Variants in RHOBTB1 observed in about 807,000 individuals in gnomAD.
RHOBTB1 encodes the protein Rho related BTB domain containing 1.
In RHOBTB1, 40 loss-of-function variants were observed where a neutral mutation model predicts 71.6. The observed-to-expected ratio is 0.56, with a 90% CI of 0.43 to 0.73. The LOEUF (loss-of-function observed/expected upper bound fraction) is 0.73, where lower values mean the gene tolerates loss of function less well. RHOBTB1 is among the 30% of genes least tolerant of loss of function. The pLI, the probability that RHOBTB1 is intolerant of heterozygous loss-of-function variation, is 0.00. For synonymous variants in RHOBTB1, 319 were observed against 334.9 expected (o/e 0.95, Z 0.52); for missense variants, 797 against 894.0 (o/e 0.89, Z 1.38).
chr10:60,962,381 CAT>C (rs1296966730), intron 2 of RHOBTB1, among the ~76,000 whole-genome samples: 1 of 152,074 alleles, frequency 6.6e-6, no homozygotes, highest in Admixed American at 6.6e-5. Flanking sequence ...AGTGCGCAGA[CAT>C]GACAGGGGAG....
upstream of RHOBTB1, among the ~76,000 whole-genome samples, chr10:61,001,856 C>A (rs1382193512): frequency 1.3e-5 from 2 of 152,228 alleles, no homozygotes. Context: ...GGAGGCCTCC[C>A]CAGGACCCAC....
At chr10:60,902,012 C>G (rs1589242755) in intron 4 of RHOBTB1, among the ~76,000 whole-genome samples, 2 of 152,276 alleles carry the variant, frequency 1.3e-5, no homozygotes, top group East Asian at 3.9e-4. Context: ...TCAATCAAGC[C>G]CTGTTGCTAT....
chr10:60,924,589 C>T (rs1340369800), intron 2 of RHOBTB1, among the ~76,000 whole-genome samples: 1 of 152,106 alleles, frequency 6.6e-6, no homozygotes. Context: ...GAAAGATCAT[C>T]TAGACAGAAA....
rs538105884 is a variant in RHOBTB1 at position 60,918,674 on chromosome 10, C to A, written c.-10-7122G>T. 2.9e-4 allele frequency among the ~76,000 whole-genome samples: 44 copies of A among 152,272 alleles called. No individual in the cohort carries two copies. The South Asian group carries it at 3.7e-3, about 13-fold the overall frequency. ...GGTCTCCTAATTGCTGTGAATCATC[C>A]CGCCATTGGAATATGCTGCATCTTA... is the stretch of plus-strand genomic sequence containing the variant. On this transcript the variant is annotated intron_variant, in intron 2 of 10. Transcript: ENST00000337910.
rs149464147 is a variant in RHOBTB1, at chr10:60,875,011, G to A, written c.1758C>T (p.Ala586=). 1.6e-4 allele frequency: 257 copies of A among 1,614,106 alleles called. 1 individual carries two copies. The highest frequency in any genetic ancestry group is 8.7e-4 in the South Asian group (79 of 91,080). ...EQHAVQELTK[A]ATSGVGIDGE... ...CGTCAATGCCCACGCCACTCGTGGC[G>A]GCTTTGGTCAACTCCTGAACGGCAT... Residue 586 remains alanine (A), a synonymous_variant, in exon 9 of 11, where the codon GCC becomes GCT. Transcript: ENST00000337910.
At chr10:60,941,527 C>T (rs1267205954) in intron 2 of RHOBTB1, among the ~76,000 whole-genome samples, 1 of 152,126 alleles carries the variant, frequency 6.6e-6, no homozygotes, top group Non-Finnish European at 1.5e-5. Context: ...CCAGTATTCT[C>T]AACCACGGGC....
intron 7 of RHOBTB1, among the ~76,000 whole-genome samples, chr10:60,880,200 TGTGAGA>T (rs1429179240): frequency 4.3e-5 from 6 of 138,296 alleles, no homozygotes; most frequent in African/African-American, 1.4e-4. Flanking sequence ...TGTGTGTGTG[TGTGAGA>T]GAGAGAGAGA....
chr10:60,926,227 ACT>A (rs1323581386), intron 2 of RHOBTB1, among the ~76,000 whole-genome samples: 4 of 152,092 alleles, frequency 2.6e-5, no homozygotes, highest in African/African-American at 7.2e-5. Flanking sequence ...ACAGAGCAAC[ACT>A]CTGTCCAAAA....
intron 2 of RHOBTB1, among the ~76,000 whole-genome samples, chr10:60,965,611 C>A (rs938446584): frequency 1.3e-5 from 2 of 152,088 alleles, no homozygotes; most frequent in Non-Finnish European, 2.9e-5. Context: ...CAAGTGCCTC[C>A]ATGTTTGACA....
Position 60,995,256 on chromosome 10 carries a change from G to T in RHOBTB1, c.-163+6143C>A, listed in dbSNP as rs77482806. ...ACTGTGTACCAGGCACCTTACTGAGGACTCAGTGCACATACCTTTGAGGAA... is the reference window on the plus strand; with the variant it reads ...ACTGTGTACCAGGCACCTTACTGAGTACTCAGTGCACATACCTTTGAGGAA... On this transcript the variant is annotated intron_variant, in intron 1 of 11. Transcript: ENST00000357917. Among the ~76,000 whole-genome samples, 1,185 of 152,216 alleles carry T rather than the reference G, an allele frequency of 7.8e-3. 14 individuals carry two copies. The highest frequency in any genetic ancestry group is 0.026 in the African/African-American group (1,097 of 41,528).
intron 2 of RHOBTB1, among the ~76,000 whole-genome samples, chr10:60,919,484 G>T (rs1357290198): frequency 6.6e-6 from 1 of 152,172 alleles, no homozygotes; most frequent in Admixed American, 6.5e-5. Context: ...CTGGAATAAA[G>T]AATAGACCCA....
At chr10:60,922,606 A>T (rs1369290277) in intron 2 of RHOBTB1, among the ~76,000 whole-genome samples, 2 of 152,154 alleles carry the variant, frequency 1.3e-5, no homozygotes, top group Admixed American at 1.3e-4. Context: ...GATGCCCATA[A>T]TCTGGAGTAA....
intron 8 of RHOBTB1, 39 bp from the exon 9 acceptor site, chr10:60,875,081 G>T (rs12251212): frequency 1.3e-6 from 2 of 1,498,600 alleles, no homozygotes; most frequent in South Asian, 1.1e-5. Context: ...ATTAAACCAC[G>T]CCCTGCGAGC....
At chr10:60,924,291 C>G (rs2083735834) in intron 2 of RHOBTB1, among the ~76,000 whole-genome samples, 1 of 151,554 alleles carries the variant, frequency 6.6e-6, no homozygotes, top group African/African-American at 2.4e-5. Flanking sequence ...AAACATGTAA[C>G]AGAGACTTAA....
chr10:60,879,874 G>A (rs1344103059), intron 7 of RHOBTB1, among the ~76,000 whole-genome samples: 2 of 151,994 alleles, frequency 1.3e-5, no homozygotes, highest in Non-Finnish European at 2.9e-5. Context: ...CACATCTGTG[G>A]ATTCAACCAA....
chr10:60,946,156 C>T (rs1281957180), upstream of RHOBTB1, among the ~76,000 whole-genome samples: 3 of 150,058 alleles, frequency 2.0e-5, no homozygotes, highest in Admixed American at 6.6e-5. Context: ...CCAGCCTGGG[C>T]GACAGAGCAA....
intron 5 of RHOBTB1, among the ~76,000 whole-genome samples, chr10:60,889,462 TG>T (rs2081802878): frequency 1.3e-5 from 2 of 152,238 alleles, no homozygotes; most frequent in Non-Finnish European, 2.9e-5. Context: ...TAAATGGCAT[TG>T]TTTTTTAAAT....
At chr10:60,913,607 C>T (rs74616145) in intron 2 of RHOBTB1, among the ~76,000 whole-genome samples, 6 of 152,258 alleles carry the variant, frequency 3.9e-5, no homozygotes, top group South Asian at 2.1e-4. Flanking sequence ...TGTCTGGAAA[C>T]GTGTCTGGTT....
chr10:60,915,929 C>A (rs764824273), intron 2 of RHOBTB1, among the ~76,000 whole-genome samples: 3 of 152,166 alleles, frequency 2.0e-5, no homozygotes, highest in Non-Finnish European at 2.9e-5. Context: ...CTTGAGCCAT[C>A]CATCCTTTTG....
Sources: gnomAD v4.1 joint callset for allele counts (sites outside exome capture counted in the v4.1 genomes callset) on GRCh38, gnomAD v4.1.1 for gene constraint, MANE v1.5 for transcripts, NCBI Gene and HGNC (gene_info 2026-07-23, HGNC 2026-07-21) for gene names.